CNTNAP2: variants seen among roughly 807,000 people sequenced by gnomAD.
CNTNAP2 encodes the protein contactin-associated protein-like 2.
In CNTNAP2, 98 loss-of-function variants were observed where a neutral mutation model predicts 155.2. That is an observed-to-expected ratio of 0.63 (90% confidence interval 0.54 to 0.75). CNTNAP2 has a LOEUF of 0.75. CNTNAP2 is among the 30% of genes least tolerant of loss of function. The pLI is 0.00. For synonymous variants in CNTNAP2, 651 were observed against 631.2 expected (o/e 1.03, Z -0.47); for missense variants, 1,727 against 1,688.1 (o/e 1.02, Z -0.40).
intron 8 of CNTNAP2, among the ~76,000 whole-genome samples, chr7:147,268,125 A>G (rs1322893361): frequency 6.6e-6 from 1 of 152,136 alleles, no homozygotes; most frequent in Non-Finnish European, 1.5e-5. Context: ...TATTTTTTGA[A>G]TTTTTATAAA....
intron 1 of CNTNAP2, among the ~76,000 whole-genome samples, chr7:146,645,022 CA>C (rs1252791634): frequency 6.6e-6 from 1 of 151,948 alleles, no homozygotes; most frequent in African/African-American, 2.4e-5. Context: ...GGCAGAGACA[CA>C]ACCAAAAAAG....
chr7:147,654,932 T>A (rs1795503941), intron 13 of CNTNAP2, among the ~76,000 whole-genome samples: 1 of 144,572 alleles, frequency 6.9e-6, no homozygotes. Flanking sequence ...TTCTCCTGCC[T>A]CAGCCTCCCA....
chr7:147,015,546 T>C (rs1174069842), intron 3 of CNTNAP2, among the ~76,000 whole-genome samples: 1 of 152,106 alleles, frequency 6.6e-6, no homozygotes, highest in Non-Finnish European at 1.5e-5. Context: ...CCATGGCTTA[T>C]TCATAAAAGA....
At chr7:147,870,368 G>A (rs529383379) in intron 13 of CNTNAP2, among the ~76,000 whole-genome samples, 1 of 152,234 alleles carries the variant, frequency 6.6e-6, no homozygotes, top group East Asian at 1.9e-4. Flanking sequence ...CCCATATGAG[G>A]AGCCCCACAT....
At chr7:146,670,561 A>G (rs920081427) in intron 1 of CNTNAP2, among the ~76,000 whole-genome samples, 5 of 152,210 alleles carry the variant, frequency 3.3e-5, no homozygotes, top group Admixed American at 6.5e-5. Context: ...ATTTCATAAT[A>G]AAACAGAGAC....
At chr7:147,396,361 A>G (rs912644533) in intron 10 of CNTNAP2, among the ~76,000 whole-genome samples, 2 of 151,726 alleles carry the variant, frequency 1.3e-5, no homozygotes, top group Non-Finnish European at 2.9e-5. Context: ...TGTCTCAATC[A>G]TGACTTGGCC....
chr7:148,071,267 A>C (rs547568555), intron 15 of CNTNAP2, among the ~76,000 whole-genome samples: 6 of 152,290 alleles, frequency 3.9e-5, no homozygotes, highest in Non-Finnish European at 8.8e-5. Flanking sequence ...GCCTGAGGTC[A>C]GGAGTTCGAG....
At chr7:146,350,515 A>G (rs1440172888) in intron 1 of CNTNAP2, among the ~76,000 whole-genome samples, 1 of 151,918 alleles carries the variant, frequency 6.6e-6, no homozygotes, top group Non-Finnish European at 1.5e-5. Flanking sequence ...CAATCATTAA[A>G]AAGTCAGGAA....
intron 9 of CNTNAP2, among the ~76,000 whole-genome samples, chr7:147,308,027 G>A (rs574529310): frequency 6.6e-6 from 1 of 152,250 alleles, no homozygotes; most frequent in Admixed American, 6.5e-5. Context: ...AATCAGGGAG[G>A]GGACAGGAAG....
At chr7:146,423,210 G>A (rs1486897845) in intron 1 of CNTNAP2, among the ~76,000 whole-genome samples, 1 of 152,078 alleles carries the variant, frequency 6.6e-6, no homozygotes, top group African/African-American at 2.4e-5. Context: ...AGGAAGAATA[G>A]TCATATGTAA....
At chr7:147,886,752 G>T (rs1373006990) in intron 13 of CNTNAP2, among the ~76,000 whole-genome samples, 1 of 152,100 alleles carries the variant, frequency 6.6e-6, no homozygotes, top group Non-Finnish European at 1.5e-5. Flanking sequence ...GCCAGCCCCA[G>T]TTGAGACCCA....
intron 13 of CNTNAP2, among the ~76,000 whole-genome samples, chr7:147,791,318 C>T (rs1332298338): frequency 6.6e-6 from 1 of 152,052 alleles, no homozygotes; most frequent in African/African-American, 2.4e-5. Context: ...TAATATCTTA[C>T]CTGGGAGCTT....
intron 15 of CNTNAP2, among the ~76,000 whole-genome samples, chr7:148,035,710 TG>T (rs1160283077): frequency 3.9e-5 from 6 of 152,078 alleles, no homozygotes; most frequent in Non-Finnish European, 1.5e-5. Context: ...GGTGGAGCCG[TG>T]GGGGTAGGGC....
chr7:146,712,251 A>AT (rs1801100605), intron 1 of CNTNAP2, among the ~76,000 whole-genome samples: 6 of 66,786 alleles, frequency 9.0e-5, no homozygotes, highest in African/African-American at 2.2e-4. Context: ...TTATGTATAC[A>AT]AATATGTATA....
intron 3 of CNTNAP2, among the ~76,000 whole-genome samples, chr7:146,913,240 C>T (rs973682791): frequency 6.6e-6 from 1 of 152,062 alleles, no homozygotes; most frequent in African/African-American, 2.4e-5. Flanking sequence ...GGTTAGCTGA[C>T]GTGCATGGTA....
intron 3 of CNTNAP2, among the ~76,000 whole-genome samples, chr7:146,946,586 G>A (rs182596369): frequency 2.6e-4 from 39 of 152,226 alleles, no homozygotes; most frequent in African/African-American, 8.9e-4. Flanking sequence ...TAGATAATGA[G>A]CTTTAAAGGT....
At chr7:147,337,677 C>T (rs2116853525) in intron 9 of CNTNAP2, among the ~76,000 whole-genome samples, 1 of 152,212 alleles carries the variant, frequency 6.6e-6, no homozygotes, top group East Asian at 1.9e-4. Context: ...ATCACAACTC[C>T]TTAGGTCTCT....
At chr7:148,142,089 G>GTC (rs1249577577) in intron 16 of CNTNAP2, among the ~76,000 whole-genome samples, 34 of 137,918 alleles carry the variant, frequency 2.5e-4, no homozygotes, top group East Asian at 6.5e-4. Context: ...GTAGAGATAT[G>GTC]TCTCTGTGTG....
chr7:147,689,799 G>A (rs1796063113), intron 13 of CNTNAP2, among the ~76,000 whole-genome samples: 1 of 151,766 alleles, frequency 6.6e-6, no homozygotes, highest in African/African-American at 2.4e-5. Context: ...TTGAAGTAGG[G>A]GTTATTCACA....
Sources: allele counts gnomAD v4.1 joint callset (sites outside exome capture counted in the v4.1 genomes callset), GRCh38; gene constraint gnomAD v4.1.1; transcripts MANE v1.5; gene names NCBI Gene and HGNC (gene_info 2026-07-23, HGNC 2026-07-21).